Variants in DMBT1 observed in about 807,000 individuals in gnomAD.
DMBT1 encodes the protein deleted in malignant brain tumors 1, also known as scavenger receptor cysteine-rich domain-containing protein DMBT1.
In DMBT1, 198 loss-of-function variants were observed where a neutral mutation model predicts 252.9. That is an observed-to-expected ratio of 0.78 (90% CI 0.70 to 0.88). The LOEUF is 0.88. DMBT1 is among the 40% of genes least tolerant of loss of function. The probability of loss-of-function intolerance (pLI) is 0.00; values close to 1 mark genes in which losing one functional copy is unlikely to be tolerated. For synonymous variants in DMBT1, 990 were observed against 942.7 expected, an observed-to-expected ratio of 1.05 and a Z score of -0.92; for missense variants, 2,432 against 2,404.7, an observed-to-expected ratio of 1.01 and a Z score of -0.24.
intron 40 of DMBT1, 107 bp downstream of exon 40, chr10:122,617,367 C>T (rs1020945756): frequency 6.7e-5 from 92 of 1,375,176 alleles, no homozygotes; most frequent in Non-Finnish European, 8.5e-5. Context: ...TTTCATGTCC[C>T]TGTGGGTTGG....
At chr10:122,564,820 A>T (rs1248098191) in intron 1 of DMBT1, among the ~76,000 whole-genome samples, 1 of 152,138 alleles carries the variant, frequency 6.6e-6, no homozygotes, top group African/African-American at 2.4e-5. Context: ...ATAGTCTGAG[A>T]TTTCTGTTGT....
chr10:122,579,792 G>A lies in DMBT1; in HGVS notation c.894G>A (p.Leu298=), dbSNP rs2097750717. Residue 298 remains leucine (L), a synonymous_variant, in exon 10 of 56, where the codon CTG becomes CTA. Coordinates refer to ENST00000338354, the MANE Select transcript of DMBT1 (RefSeq NM_001377530.1). Reference sequence around the variant, plus strand: ...GCCAGGGCTCAGGACCCATTGTCCTGGATGATGTGCGCTGCTCAGGACATG... The same window carrying A: ...GCCAGGGCTCAGGACCCATTGTCCTAGATGATGTGCGCTGCTCAGGACATG... The part of the protein sequence containing the change: ...QFGQGSGPIV[L]DDVRCSGHES... The A allele has an allele frequency of 3.1e-6, 5 of 1,607,422 alleles. No individual in the cohort carries two copies. The highest frequency in any genetic ancestry group is 4.3e-6 in the Non-Finnish European group (5 of 1,173,840).
At chr10:122,577,742 A>T in intron 7 of DMBT1, 69 bp from the exon 8 acceptor site, 1 of 1,581,752 alleles carries the variant, frequency 6.3e-7, no homozygotes, top group South Asian at 1.1e-5. Context: ...ACCCCAAGTC[A>T]CTTCAGCCTT....
chr10:122,626,766 T>G (rs941700002), intron 46 of DMBT1, among the ~76,000 whole-genome samples: 7 of 152,248 alleles, frequency 4.6e-5, no homozygotes, highest in African/African-American at 9.6e-5. Flanking sequence ...TTGTGACAAC[T>G]GTTTCCAAGG....
chr10:122,581,489 G>A (rs987511473), intron 11 of DMBT1, among the ~76,000 whole-genome samples: 10 of 150,000 alleles, frequency 6.7e-5, no homozygotes, highest in Non-Finnish European at 1.5e-4. Context: ...TTCAGCAATG[G>A]CGTCTGATGT....
chr10:122,575,785 A>G (rs1370504890), intron 6 of DMBT1, among the ~76,000 whole-genome samples: 1 of 152,142 alleles, frequency 6.6e-6, no homozygotes, highest in Non-Finnish European at 1.5e-5. Flanking sequence ...TTCATTGCCC[A>G]TGTTCCTGGA....
rs374635240 is a variant in DMBT1 at position 122,586,135 on chromosome 10, G to C, written c.1535G>C (p.Arg512Pro). ...RCQGRVEVLY[R>P]GSWGTVCDDS... Reference sequence around the variant, plus strand: ...CAGGGCCGAGTGGAGGTCCTATACCGAGGCTCCTGGGGCACCGTGTGTGAT... The same window carrying C: ...CAGGGCCGAGTGGAGGTCCTATACCCAGGCTCCTGGGGCACCGTGTGTGAT... The change falls in exon 16 of 56, where the codon CGA (arginine) becomes CCA (proline). Residue 512 changes from arginine to proline, a missense_variant. Around this residue, in one of 3 missense-constraint regions of DMBT1, gnomAD observed 1,264 missense variants for 1,082.2 expected, o/e 1.17. Coordinates refer to ENST00000338354, the MANE Select transcript of DMBT1 (RefSeq NM_001377530.1). The C allele has an allele frequency of 5.0e-6, 8 of 1,589,074 alleles. 1 individual carries two copies. The East Asian group carries it at 1.9e-4, about 37-fold the overall frequency.
At chr10:122,622,222 AGC>A (rs2098076850) in intron 44 of DMBT1, among the ~76,000 whole-genome samples, 1 of 152,200 alleles carries the variant, frequency 6.6e-6, no homozygotes, top group African/African-American at 2.4e-5. Flanking sequence ...ACTAGCATTC[AGC>A]AGGTCTGGGT....
intron 42 of DMBT1, 106 bp downstream of exon 42, chr10:122,619,443 C>A: frequency 2.0e-6 from 3 of 1,472,086 alleles, no homozygotes; most frequent in Non-Finnish European, 2.8e-6. Context: ...TACTGTGGGG[C>A]ATATTATTTT....
chr10:122,572,401 C>A (rs774553327), intron 5 of DMBT1, 40 bp downstream of exon 5: 2 of 1,605,194 alleles, frequency 1.2e-6, no homozygotes, highest in Non-Finnish European at 1.7e-6. Flanking sequence ...GCTCATTACC[C>A]CTCTGTACTC....
intron 20 of DMBT1, 77 bp downstream of exon 20, chr10:122,592,672 C>T: frequency 1.3e-6 from 2 of 1,569,100 alleles, no homozygotes; most frequent in Non-Finnish European, 8.7e-7. Context: ...ACATTCTGAT[C>T]TCCTCACTCA....
At chr10:122,566,587 G>C (rs1326297242) in intron 2 of DMBT1, among the ~76,000 whole-genome samples, 2 of 152,168 alleles carry the variant, frequency 1.3e-5, no homozygotes, top group African/African-American at 4.8e-5. Flanking sequence ...TGGGGTTACA[G>C]GCATGAGCCA....
At chr10:122,566,808 T>C (rs2981770) in intron 2 of DMBT1, among the ~76,000 whole-genome samples, 101,974 of 152,092 alleles carry the variant, frequency 0.67, 34,548 homozygotes, top group East Asian at 0.78. Context: ...ATGAAATCTT[T>C]CCAAGAACAC....
At chr10:122,633,491 G>T (rs2133680074) in intron 52 of DMBT1, 150 bp downstream of exon 52, 14 of 1,393,052 alleles carry the variant, frequency 1.0e-5, no homozygotes, top group Non-Finnish European at 1.3e-5. Context: ...CAGGAGAGAA[G>T]TTTGCTGAGA....
intron 4 of DMBT1, among the ~76,000 whole-genome samples, chr10:122,571,848 A>C (rs1214357124): frequency 1.3e-5 from 2 of 152,228 alleles, no homozygotes; most frequent in Non-Finnish European, 2.9e-5. Flanking sequence ...ATCGTCCTCC[A>C]TGCAGCCACC....
chr10:122,631,308 A>G (rs2098163354), intron 49 of DMBT1, 27 bp downstream of exon 49: 1 of 1,604,770 alleles, frequency 6.2e-7, no homozygotes, highest in South Asian at 1.1e-5. Flanking sequence ...TGGAAGGCCC[A>G]TTTCACCTGT....
intron 26 of DMBT1, among the ~76,000 whole-genome samples, 173 bp from the exon 27 acceptor site, chr10:122,599,891 C>T (rs993651770): frequency 1.3e-5 from 2 of 152,134 alleles, no homozygotes; most frequent in East Asian, 1.9e-4. Context: ...GGATCTGCCT[C>T]GACCCCTTAC....
At chr10:122,569,758 C>T (rs893146588) in intron 2 of DMBT1, among the ~76,000 whole-genome samples, 2 of 152,206 alleles carry the variant, frequency 1.3e-5, no homozygotes, top group African/African-American at 2.4e-5. Context: ...CTTTCGAAAC[C>T]ACCTTTCTTT....
intron 53 of DMBT1, 122 bp downstream of exon 53, chr10:122,636,321 A>G: frequency 2.2e-6 from 2 of 912,836 alleles, no homozygotes; most frequent in Non-Finnish European, 1.7e-6. Context: ...CCAGGGCTTG[A>G]TTTTCAGCTG....
Sources: allele counts gnomAD v4.1 joint callset (sites outside exome capture counted in the v4.1 genomes callset), GRCh38; gene constraint gnomAD v4.1.1; regional missense constraint gnomAD v4.1.1; transcripts MANE v1.5; gene names NCBI Gene and HGNC (gene_info 2026-07-23, HGNC 2026-07-21).